Variants in CSMD1 observed in about 807,000 individuals in gnomAD.
CSMD1 encodes the protein CUB and Sushi multiple domains 1.
A neutral mutation model predicts 417.5 loss-of-function variants in CSMD1; 213 were observed. The ratio of observed to expected loss-of-function variants is 0.51; its 90% CI spans 0.46 to 0.57. CSMD1 has a LOEUF of 0.57. CSMD1 is among the 20% of genes least tolerant of loss of function. CSMD1 has a pLI of 0.00. For missense variants in CSMD1, 6,923 were observed against 4,529.7 expected (o/e 1.53, Z -15.17); for synonymous variants, 2,862 against 1,736.8 (o/e 1.65, Z -16.11).
chr8:3,973,705 T>G (rs1291966770), intron 5 of CSMD1, among the ~76,000 whole-genome samples: 2 of 152,322 alleles, frequency 1.3e-5, no homozygotes, highest in South Asian at 2.1e-4. Flanking sequence ...ATGCAAGACC[T>G]TTATCACTTT....
intron 5 of CSMD1, among the ~76,000 whole-genome samples, chr8:3,772,545 A>T (rs1157649313): frequency 1.6e-5 from 2 of 127,264 alleles, no homozygotes; most frequent in East Asian, 2.2e-4. Flanking sequence ...ATATATACAC[A>T]TATATACATA....
At chr8:4,430,099 A>G (rs1797787397) in intron 2 of CSMD1, among the ~76,000 whole-genome samples, 1 of 152,156 alleles carries the variant, frequency 6.6e-6, no homozygotes, top group South Asian at 2.1e-4. Flanking sequence ...TAAATCCCAG[A>G]AGTGAGGTTT....
chr8:4,596,058 C>A (rs769819459), intron 2 of CSMD1, among the ~76,000 whole-genome samples: 1 of 152,142 alleles, frequency 6.6e-6, no homozygotes, highest in African/African-American at 2.4e-5. Flanking sequence ...CATGGCCCAA[C>A]CTTGCTCCTT....
At chr8:3,355,886 CCAG>C (rs1808747433) in intron 21 of CSMD1, among the ~76,000 whole-genome samples, 1 of 151,962 alleles carries the variant, frequency 6.6e-6, no homozygotes, top group African/African-American at 2.4e-5. Context: ...CCAACAGGTG[CCAG>C]AAGAGAGGGT....
At chr8:4,796,934 G>A (rs779810183) in intron 1 of CSMD1, among the ~76,000 whole-genome samples, 6 of 152,190 alleles carry the variant, frequency 3.9e-5, no homozygotes, top group Admixed American at 1.3e-4. Flanking sequence ...GCTGCATGGA[G>A]GGGGCAGGAC....
intron 2 of CSMD1, among the ~76,000 whole-genome samples, chr8:4,459,149 G>A (rs1799659939): frequency 6.6e-6 from 1 of 152,190 alleles, no homozygotes; most frequent in African/African-American, 2.4e-5. Flanking sequence ...ATCCTCACAA[G>A]CTTCATAGGC....
intron 1 of CSMD1, among the ~76,000 whole-genome samples, chr8:4,955,223 T>A (rs1809011835): frequency 6.6e-6 from 1 of 152,168 alleles, no homozygotes; most frequent in Non-Finnish European, 1.5e-5. Flanking sequence ...ACAGAAGTTT[T>A]CAGAAATGTT....
chr8:3,606,916 T>C (rs1801646479), intron 8 of CSMD1, among the ~76,000 whole-genome samples: 1 of 152,010 alleles, frequency 6.6e-6, no homozygotes, highest in South Asian at 2.1e-4. Context: ...TTCACCATGT[T>C]GGCCAGGATG....
chr8:3,021,323 G>C (rs765641597), intron 51 of CSMD1, among the ~76,000 whole-genome samples: 6 of 152,172 alleles, frequency 3.9e-5, no homozygotes, highest in Non-Finnish European at 8.8e-5. Flanking sequence ...TAGAATTTCA[G>C]ACCCAGAGTT....
chr8:4,431,271 T>G (rs184701932), intron 2 of CSMD1, among the ~76,000 whole-genome samples: 1 of 152,186 alleles, frequency 6.6e-6, no homozygotes, highest in African/African-American at 2.4e-5. Context: ...AATAATAATA[T>G]GCAAATTTAT....
chr8:3,724,876 G>C (rs569562116), intron 6 of CSMD1, among the ~76,000 whole-genome samples: 78 of 152,162 alleles, frequency 5.1e-4, no homozygotes, highest in Non-Finnish European at 9.4e-4. Flanking sequence ...TTAAAATTCA[G>C]ACTATTGTCG....
intron 1 of CSMD1, among the ~76,000 whole-genome samples, chr8:4,706,075 T>A (rs539929100): frequency 3.3e-5 from 5 of 150,676 alleles, no homozygotes; most frequent in African/African-American, 4.8e-5. Flanking sequence ...ACATGATACA[T>A]AAAATTTTAA....
At chr8:4,847,304 A>T (rs182910994) in intron 1 of CSMD1, among the ~76,000 whole-genome samples, 1 of 152,342 alleles carries the variant, frequency 6.6e-6, no homozygotes, top group East Asian at 1.9e-4. Context: ...AATTGGCATA[A>T]ATAATTTCAG....
intron 3 of CSMD1, among the ~76,000 whole-genome samples, chr8:4,143,429 T>A (rs1462112366): frequency 1.3e-5 from 2 of 150,422 alleles, no homozygotes; most frequent in East Asian, 1.9e-4. Flanking sequence ...GGCTGAAAGT[T>A]CGGATACCTT....
At chr8:3,743,981 C>A (rs993868227) in intron 6 of CSMD1, among the ~76,000 whole-genome samples, 16 of 152,168 alleles carry the variant, frequency 1.1e-4, no homozygotes, top group Non-Finnish European at 2.4e-4. Context: ...TTATCTTCCC[C>A]TACCCCCGTT....
intron 3 of CSMD1, among the ~76,000 whole-genome samples, chr8:4,037,586 A>T (rs1163513510): frequency 1.4e-5 from 2 of 143,602 alleles, no homozygotes; most frequent in African/African-American, 5.3e-5. Flanking sequence ...ACTGACAGGG[A>T]TTGCAATGGA....
chr8:4,822,887 T>C (rs1799600263), intron 1 of CSMD1, among the ~76,000 whole-genome samples: 1 of 152,156 alleles, frequency 6.6e-6, no homozygotes, highest in African/African-American at 2.4e-5. Flanking sequence ...GTTATGTTAA[T>C]GTGAGAAGTG....
chr8:4,563,343 G>A (rs1183331309), intron 2 of CSMD1, among the ~76,000 whole-genome samples: 1 of 152,188 alleles, frequency 6.6e-6, no homozygotes, highest in African/African-American at 2.4e-5. Flanking sequence ...AGAGCTTTCA[G>A]TGAGCTCAGA....
chr8:4,160,093 A>G (rs949548861), intron 3 of CSMD1, among the ~76,000 whole-genome samples: 1 of 84,300 alleles, frequency 1.2e-5, no homozygotes, highest in Non-Finnish European at 2.3e-5. Context: ...TTTAAAAAAA[A>G]AAAGAAAAAG....
Sources: allele counts gnomAD v4.1 joint callset (sites outside exome capture counted in the v4.1 genomes callset), GRCh38; gene constraint gnomAD v4.1.1; transcripts MANE v1.5; gene names NCBI Gene and HGNC (gene_info 2026-07-23, HGNC 2026-07-21).